Variants in TAOK1 observed in about 807,000 individuals in gnomAD.
The protein encoded by TAOK1 is TAO kinase 1.
Under a neutral mutation model 138.3 loss-of-function variants are expected in TAOK1, and 21 were observed. The ratio of observed to expected loss-of-function variants is 0.15; its 90% CI spans 0.11 to 0.22. The LOEUF is 0.22. Ranked by LOEUF, TAOK1 falls within the 10% of genes least tolerant of loss-of-function variation. The probability of loss-of-function intolerance (pLI) is 1.00; values close to 1 mark genes in which losing one functional copy is unlikely to be tolerated. For missense variants in TAOK1, 651 were observed against 1,227.7 expected, an observed-to-expected ratio of 0.53 and a Z score of 7.02; for synonymous variants, 361 against 398.4, an observed-to-expected ratio of 0.91 and a Z score of 1.12.
At chr17:29,487,269 A>T (rs2031192385) in intron 8 of TAOK1, among the ~76,000 whole-genome samples, 1 of 144,438 alleles carries the variant, frequency 6.9e-6, no homozygotes, top group African/African-American at 2.5e-5. Context: ...AAAAAAAAAA[A>T]AAAAAAGTAT....
intron 1 of TAOK1, among the ~76,000 whole-genome samples, chr17:29,450,146 G>T (rs567214379): frequency 6.6e-6 from 1 of 151,716 alleles, no homozygotes. Flanking sequence ...GAATGCCATG[G>T]GGTGATCATC....
chr17:29,516,533 G>A (rs150557976), intron 15 of TAOK1, among the ~76,000 whole-genome samples: 5,219 of 130,256 alleles, frequency 0.04, 328 homozygotes, highest in African/African-American at 0.14. Context: ...ACTGAGTTTC[G>A]CTCTTCTTGC....
intron 2 of TAOK1, among the ~76,000 whole-genome samples, chr17:29,464,912 C>T (rs2030622637): frequency 6.7e-6 from 1 of 148,626 alleles, no homozygotes; most frequent in African/African-American, 2.5e-5. Context: ...CCTCTGCCTT[C>T]TGGGTTCAAG....
At chr17:29,407,358 C>T (rs1009011610) in intron 1 of TAOK1, among the ~76,000 whole-genome samples, 2 of 152,172 alleles carry the variant, frequency 1.3e-5, no homozygotes, top group Admixed American at 1.3e-4. Context: ...TGTCTCTCAA[C>T]ACAATGCTCT....
chr17:29,433,751 G>C (rs1905931703), intron 1 of TAOK1, among the ~76,000 whole-genome samples: 1 of 152,156 alleles, frequency 6.6e-6, no homozygotes, highest in South Asian at 2.1e-4. Flanking sequence ...ACCTCCTGAG[G>C]CTCAGCTCCA....
chr17:29,430,050 A>G (rs993581606), intron 1 of TAOK1, among the ~76,000 whole-genome samples: 1 of 152,208 alleles, frequency 6.6e-6, no homozygotes, highest in Non-Finnish European at 1.5e-5. Flanking sequence ...CATTTGAATC[A>G]AAAAGATAAA....
At chr17:29,531,062 C>T (rs9892230) in intron 18 of TAOK1, among the ~76,000 whole-genome samples, 27,204 of 147,612 alleles carry the variant, frequency 0.18, 3,211 homozygotes, top group East Asian at 0.65. Flanking sequence ...CCCGGGTTCA[C>T]GCCATTCTCC....
chr17:29,489,581 TA>T (rs769082859), intron 8 of TAOK1, 82 bp from the exon 9 acceptor site: 57,531 of 618,766 alleles, frequency 0.093, no homozygotes, highest in East Asian at 0.12. Context: ...TAAAATCATT[TA>T]AAAAAAAAAA....
chr17:29,443,467 A>G (rs2029998725), intron 1 of TAOK1, among the ~76,000 whole-genome samples: 1 of 152,146 alleles, frequency 6.6e-6, no homozygotes, highest in African/African-American at 2.4e-5. Context: ...TTCTTGTTTT[A>G]TCAGCTTTCT....
intron 13 of TAOK1, among the ~76,000 whole-genome samples, chr17:29,504,633 G>A (rs1264793062): frequency 1.3e-5 from 2 of 152,050 alleles, no homozygotes; most frequent in Admixed American, 6.6e-5. Flanking sequence ...TCGCACTATT[G>A]CACTCCAGCC....
At chr17:29,489,559 A>T in intron 8 of TAOK1, 105 bp from the exon 9 acceptor site, 1 of 735,526 alleles carries the variant, frequency 1.4e-6, no homozygotes, top group Non-Finnish European at 2.2e-6. Flanking sequence ...TAAGTTTAAG[A>T]TTGTTTCAAA....
chr17:29,467,561 C>T (rs530806632), intron 3 of TAOK1, among the ~76,000 whole-genome samples: 27 of 152,100 alleles, frequency 1.8e-4, no homozygotes, highest in African/African-American at 4.6e-4. Context: ...CGTGAGCCAC[C>T]GCGCCCGGCC....
At chr17:29,399,761 C>T (rs534564844) in intron 1 of TAOK1, among the ~76,000 whole-genome samples, 6 of 152,074 alleles carry the variant, frequency 3.9e-5, no homozygotes, top group African/African-American at 9.6e-5. Context: ...GATAGATTCT[C>T]GCTCTGTCAC....
chr17:29,457,402 C>CTTTTTTTTTT (rs769026325), intron 2 of TAOK1, among the ~76,000 whole-genome samples: 1 of 76,596 alleles, frequency 1.3e-5, no homozygotes, highest in Non-Finnish European at 2.3e-5. Flanking sequence ...CACCCCAGGC[C>CTTTTTTTTTT]TTTTTTTTTT....
intron 3 of TAOK1, among the ~76,000 whole-genome samples, chr17:29,473,099 A>G (rs753305602): frequency 2.2e-4 from 33 of 152,188 alleles, no homozygotes; most frequent in Admixed American, 5.2e-4. Flanking sequence ...TCACTAAACC[A>G]TGCTTAAATG....
chr17:29,460,133 G>T (rs1292675017), intron 2 of TAOK1, among the ~76,000 whole-genome samples: 1 of 152,174 alleles, frequency 6.6e-6, no homozygotes, highest in Non-Finnish European at 1.5e-5. Context: ...AAATATCAAT[G>T]ATTTAACTTT....
intron 10 of TAOK1, among the ~76,000 whole-genome samples, chr17:29,492,198 G>A (rs1456646137): frequency 6.6e-6 from 1 of 152,068 alleles, no homozygotes; most frequent in Non-Finnish European, 1.5e-5. Context: ...CTTTAAATTT[G>A]TTCTTACCCC....
At position 29,510,953 on chromosome 17, in the gene TAOK1, G is replaced by A; in HGVS notation, c.1665G>A (p.Gln555=). 1 of 1,609,158 alleles carries A rather than the reference G, an allele frequency of 6.2e-7. No homozygotes were observed. Among genetic ancestry groups the A allele is most frequent in the East Asian group, 2.2e-5 (1 of 44,530 alleles). The stretch of plus-strand genomic sequence containing the variant: ...AACTGAATAGTTTTCTCGAGTCCCA[G>A]AAAAGAGAGTATAAACTTCGAAAAG... ...KKELNSFLES[Q]KREYKLRKEQ... Residue 555 remains glutamine (Q), a synonymous_variant, in exon 15 of 20, where the codon CAG becomes CAA. Coordinates refer to ENST00000261716, the MANE Select transcript of TAOK1 (RefSeq NM_020791.4).
In TAOK1 at chr17:29,549,672, G is replaced by A. The variant is rs1205986592; in HGVS notation, c.*6650G>A. Reference sequence around the variant, plus strand: ...GGTGGTCTATGTGACCATTTGTCTCGTATCCAAAAACCCCGGGGCTATTGG... The same window carrying A: ...GGTGGTCTATGTGACCATTTGTCTCATATCCAAAAACCCCGGGGCTATTGG... On this transcript the variant is annotated 3_prime_UTR_variant, in exon 20 of 20. Transcript: ENST00000261716. 6.6e-6 allele frequency: 1 copy of A among 152,030 alleles called. No individual in the cohort carries two copies. The highest frequency in any genetic ancestry group is 1.5e-5 in the Non-Finnish European group (1 of 68,024). The allele number at this position is 152,030 out of a possible 1,614,324, so 9.4% of individuals were successfully genotyped here. A position where few individuals can be genotyped will look rare whatever the true frequency, so the allele number is the denominator to read the frequency against.
Sources: gnomAD v4.1 joint callset for allele counts (sites outside exome capture counted in the v4.1 genomes callset) on GRCh38, gnomAD v4.1.1 for gene constraint, MANE v1.5 for transcripts, NCBI Gene and HGNC (gene_info 2026-07-23, HGNC 2026-07-21) for gene names.